Variants in HERC2 observed in about 807,000 individuals in gnomAD.
HERC2 encodes the protein E3 ubiquitin-protein ligase HERC2.
A neutral mutation model predicts 537.7 loss-of-function variants in HERC2; 102 were observed. The ratio of observed to expected loss-of-function variants is 0.19; its 90% CI spans 0.16 to 0.22. The LOEUF (loss-of-function observed/expected upper bound fraction) is 0.22. Ranked by LOEUF, HERC2 falls within the 10% of genes least tolerant of loss-of-function variation. The pLI is 1.00. For synonymous variants in HERC2, 2,224 were observed against 2,466.2 expected (o/e 0.90, Z 2.91); for missense variants, 4,236 against 6,198.2 (o/e 0.68, Z 10.63).
intron 55 of HERC2, chr15:28,190,662 GT>G (rs1401032565): frequency 2.3e-6 from 1 of 436,552 alleles, no homozygotes. Flanking sequence ...AAACCGAAGT[GT>G]TCAGATGCAA....
At chr15:28,248,060 G>A (rs899213202) in intron 21 of HERC2, among the ~76,000 whole-genome samples, 6 of 152,154 alleles carry the variant, frequency 3.9e-5, no homozygotes, top group African/African-American at 1.4e-4. Context: ...GGCTGCCTCA[G>A]GGATTATCCC....
chr15:28,125,123 C>A lies in HERC2; in HGVS notation c.12873G>T (p.Arg4291Ser). 1 of 1,614,168 alleles carries A rather than the reference C, an allele frequency of 6.2e-7. No individual in the cohort carries two copies. Reference protein sequence around the residue: ...LGDGTTNAIQRPRLVAALQGK... With the variant: ...LGDGTTNAIQSPRLVAALQGK... ...CCTGAAGGGCAGCTACCAACCGAGG[C>A]CTCTGGATGGCATTGGTGGTTCCGT... Residue 4291 changes from arginine (R) to serine (S), a missense_variant, in exon 84 of 93, where the codon AGG (arginine) becomes AGT (serine). Physicochemically the swap from Arg to Ser is moderately radical, Grantham distance 110. Around this residue, in one of 27 missense-constraint regions of HERC2, gnomAD observed 189 missense variants for 255.7 expected, o/e 0.74. Transcript: ENST00000261609.
At chr15:28,201,349 C>T (rs1431051722) in intron 48 of HERC2, 107 bp downstream of exon 48, 7 of 738,280 alleles carry the variant, frequency 9.5e-6, no homozygotes, top group African/African-American at 1.8e-5. Flanking sequence ...AAGGCAGGCT[C>T]CCTGAGGGCA....
intron 4 of HERC2, among the ~76,000 whole-genome samples, chr15:28,290,125 G>C (rs150231377): frequency 2.0e-5 from 3 of 152,154 alleles, no homozygotes; most frequent in African/African-American, 7.2e-5. Context: ...AAATAATCAG[G>C]TACGGGTAAG....
At chr15:28,291,653 G>A (rs984133493) in intron 4 of HERC2, among the ~76,000 whole-genome samples, 6 of 152,120 alleles carry the variant, frequency 3.9e-5, no homozygotes, top group African/African-American at 1.4e-4. Context: ...AAGAATAAAT[G>A]TATGGGTTTT....
intron 57 of HERC2, among the ~76,000 whole-genome samples, chr15:28,181,900 C>G (rs80225126): frequency 1.3e-5 from 2 of 152,316 alleles, no homozygotes; most frequent in South Asian, 2.1e-4. Context: ...CCACAACAAG[C>G]CCTGCAGAGA....
At chr15:28,133,613 A>C (rs887588653) in intron 79 of HERC2, among the ~76,000 whole-genome samples, 2 of 152,254 alleles carry the variant, frequency 1.3e-5, no homozygotes, top group Admixed American at 6.5e-5. Context: ...ATTTTGAATT[A>C]ATGTTTGGAT....
At chr15:28,254,311 T>C (rs1377806856) in intron 20 of HERC2, 29 bp downstream of exon 20, 1 of 1,468,968 alleles carries the variant, frequency 6.8e-7, no homozygotes, top group African/African-American at 1.4e-5. Flanking sequence ...ATAAATAACA[T>C]ATAATACAAT....
At chr15:28,138,434 A>G (rs1168254761) in intron 78 of HERC2, among the ~76,000 whole-genome samples, 1 of 152,222 alleles carries the variant, frequency 6.6e-6, no homozygotes, top group East Asian at 1.9e-4. Flanking sequence ...GTCAATGCTC[A>G]TTGACCATTC....
chr15:28,139,956 T>G (rs914855496), intron 78 of HERC2, among the ~76,000 whole-genome samples: 6 of 149,414 alleles, frequency 4.0e-5, no homozygotes, highest in Admixed American at 6.6e-5. Context: ...TTGTCCCAGC[T>G]ACTCGGGAGG....
intron 4 of HERC2, among the ~76,000 whole-genome samples, chr15:28,283,968 T>G (rs1320857056): frequency 1.3e-5 from 2 of 152,218 alleles, no homozygotes; most frequent in Non-Finnish European, 2.9e-5. Flanking sequence ...TGAGATATTT[T>G]GGGGATAGGA....
At position 28,246,910 on chromosome 15, in the gene HERC2, T is replaced by C. The variant is rs756522434; in HGVS notation, c.3236-13A>G. On this transcript the variant is annotated splice_polypyrimidine_tract_variant and intron_variant, in intron 21 of 92. Transcript: ENST00000261609. ...ATTAGCTCTGGACCTTGAAGAAGGATTGAGAAATTTTCATTTTCACTACTA... is the reference window on the plus strand; with the variant it reads ...ATTAGCTCTGGACCTTGAAGAAGGACTGAGAAATTTTCATTTTCACTACTA... The C allele has an allele frequency of 2.5e-6, 4 of 1,592,312 alleles. No homozygotes were observed. Among genetic ancestry groups the C allele is most frequent in the African/African-American group, 2.7e-5 (2 of 73,484 alleles).
chr15:28,243,096 C>T (rs2140761519), intron 23 of HERC2, among the ~76,000 whole-genome samples: 1 of 152,174 alleles, frequency 6.6e-6, no homozygotes, highest in East Asian at 1.9e-4. Context: ...TCAGACCAGA[C>T]ACAAGCATAG....
Position 28,116,860 on chromosome 15 carries a change from C to T in HERC2, c.13415-1G>A. ...CCCCCACAGTCATCCACAGATTCAC[C>T]TGCAGGGGAGAAGCAGCCACTCGAA... On this transcript the variant is annotated splice_acceptor_variant, in intron 87 of 92. Transcript: ENST00000261609. LOFTEE classifies it high-confidence loss of function. The T allele has an allele frequency of 1.2e-6, 2 of 1,610,438 alleles. No homozygotes were observed. Among genetic ancestry groups the T allele is most frequent in the Non-Finnish European group, 1.7e-6 (2 of 1,178,158 alleles).
chr15:28,292,071 T>C (rs1158582381), intron 4 of HERC2, among the ~76,000 whole-genome samples: 1 of 150,092 alleles, frequency 6.7e-6, no homozygotes, highest in Non-Finnish European at 1.5e-5. Flanking sequence ...CTACTAAAAA[T>C]ACAAAAAATT....
At chr15:28,293,158 T>C (rs1446117744) in intron 3 of HERC2, 136 bp from the exon 4 acceptor site, 2 of 736,632 alleles carry the variant, frequency 2.7e-6, no homozygotes, top group Non-Finnish European at 4.5e-6. Context: ...ATAAAATACA[T>C]CAATCATACC....
chr15:28,156,669 T>C (rs1893045386), intron 69 of HERC2, among the ~76,000 whole-genome samples: 1 of 152,226 alleles, frequency 6.6e-6, no homozygotes, highest in Non-Finnish European at 1.5e-5. Flanking sequence ...GATGGGGTTT[T>C]CTAGATATAC....
At chr15:28,314,229 AT>A (rs1248704397) in intron 2 of HERC2, among the ~76,000 whole-genome samples, 1 of 152,232 alleles carries the variant, frequency 6.6e-6, no homozygotes, top group Non-Finnish European at 1.5e-5. Context: ...GAAAAAAAAA[AT>A]AGAAGTCAAC....
In HERC2 at chr15:28,248,690, G is replaced by T; in HGVS notation, c.3097C>A (p.Arg1033=). Residue 1033 remains arginine, a synonymous_variant, in exon 21 of 93, where the codon CGG becomes AGG. Coordinates refer to ENST00000261609, the MANE Select transcript of HERC2 (RefSeq NM_004667.6). ...TCAAAGTCCAGACATGATGAAATCC[G>T]ACGGGCAACATCTTTCAATCTGGCT... The part of the protein sequence containing the change: ...TVARLKDVAR[R]ISSCLDFEQH... 6.2e-7 allele frequency: 1 copy of T among 1,614,074 alleles called. No individual in the cohort carries two copies. The highest frequency in any genetic ancestry group is 8.5e-7 in the Non-Finnish European group (1 of 1,179,930).
Sources: gnomAD v4.1 joint callset for allele counts (sites outside exome capture counted in the v4.1 genomes callset) on GRCh38, gnomAD v4.1.1 for gene constraint, gnomAD v4.1.1 regional missense constraint, MANE v1.5 for transcripts, NCBI Gene and HGNC (gene_info 2026-07-23, HGNC 2026-07-21) for gene names.